The following PSD3 variants were observed in gnomAD, a reference collection of about 807,000 sequenced individuals.
PSD3 encodes the protein pleckstrin and Sec7 domain containing 3, also known as PH and SEC7 domain-containing protein 3.
A neutral mutation model predicts 105.5 loss-of-function variants in PSD3; 49 were observed. The observed-to-expected ratio is 0.46, with a 90% CI of 0.37 to 0.59. The LOEUF is 0.59. Ranked by LOEUF, PSD3 falls within the 20% of genes least tolerant of loss-of-function variation. PSD3 has a pLI of 0.00. For missense variants in PSD3, 1,561 were observed against 1,263.8 expected (o/e 1.24, Z -3.57); for synonymous variants, 557 against 457.8 (o/e 1.22, Z -2.77).
intron 1 of PSD3, among the ~76,000 whole-genome samples, chr8:18,965,003 G>A (rs1234209301): frequency 1.3e-5 from 2 of 152,050 alleles, no homozygotes; most frequent in East Asian, 3.9e-4. Context: ...ACTGAATCTC[G>A]GCTCATAAAA....
chr8:18,866,483 C>T (rs970655764), intron 4 of PSD3, among the ~76,000 whole-genome samples: 1 of 152,210 alleles, frequency 6.6e-6, no homozygotes, highest in Non-Finnish European at 1.5e-5. Flanking sequence ...AACCCCATTT[C>T]GCAAATAAAT....
At chr8:18,561,124 G>T (rs1282889972) in intron 14 of PSD3, among the ~76,000 whole-genome samples, 2 of 152,186 alleles carry the variant, frequency 1.3e-5, no homozygotes, top group Non-Finnish European at 2.9e-5. Flanking sequence ...ATCTCAAAAA[G>T]ATGTGGCATT....
chr8:18,845,652 A>AGAGG (rs1815024389), intron 4 of PSD3, among the ~76,000 whole-genome samples: 4 of 152,186 alleles, frequency 2.6e-5, no homozygotes, highest in Admixed American at 2.6e-4. Context: ...AAATAGCAGA[A>AGAGG]GAGGGTGGGT....
intron 2 of PSD3, among the ~76,000 whole-genome samples, chr8:18,906,237 A>C (rs1352198590): frequency 1.3e-5 from 2 of 152,212 alleles, no homozygotes; most frequent in African/African-American, 4.8e-5. Flanking sequence ...TGGGTGCTCC[A>C]GATCCCCTAA....
intron 9 of PSD3, among the ~76,000 whole-genome samples, chr8:18,737,175 T>C (rs1804211788): frequency 6.6e-6 from 1 of 152,220 alleles, no homozygotes; most frequent in African/African-American, 2.4e-5. Context: ...GTTTGTTTTC[T>C]TTAGTCTTTG....
intron 4 of PSD3, among the ~76,000 whole-genome samples, chr8:18,852,837 TTAA>T: frequency 6.6e-6 from 1 of 152,224 alleles, no homozygotes; most frequent in South Asian, 2.1e-4. Context: ...CCAATGATCA[TTAA>T]TGTTTACTGA....
chr8:18,644,590 C>T lies in PSD3; in HGVS notation c.2216+11052G>A, dbSNP rs557460429. Among the ~76,000 whole-genome samples the T allele has an allele frequency of 3.3e-5, 5 of 152,314 alleles. No homozygotes were observed. In the East Asian group the frequency reaches 9.7e-4, roughly 29 times the overall value. On this transcript the variant is annotated intron_variant, in intron 10 of 15. Coordinates refer to ENST00000327040, the MANE Select transcript of PSD3 (RefSeq NM_015310.4). ...CTAATTATGATCACTTAAGTAATGT[C>T]TAAGAAGTCCCAGATGGTCCTTAAA...
At chr8:18,779,507 T>G (rs144011087) in intron 8 of PSD3, among the ~76,000 whole-genome samples, 1 of 152,264 alleles carries the variant, frequency 6.6e-6, no homozygotes, top group East Asian at 1.9e-4. Context: ...TTGTTCTTGC[T>G]TTTCTAGTTC....
intron 1 of PSD3, among the ~76,000 whole-genome samples, chr8:18,972,937 T>C (rs184002993): frequency 2.6e-5 from 4 of 152,268 alleles, no homozygotes; most frequent in Admixed American, 2.6e-4. Context: ...CCAACGAGGT[T>C]TTAAAAAAAT....
At chr8:18,692,358 A>AG (rs1366486839) in intron 9 of PSD3, among the ~76,000 whole-genome samples, 2 of 152,206 alleles carry the variant, frequency 1.3e-5, no homozygotes, top group Non-Finnish European at 2.9e-5. Flanking sequence ...AAGGTACTGC[A>AG]GCTCTGGAAG....
At chr8:18,614,924 C>A (rs1204375087) in intron 11 of PSD3, among the ~76,000 whole-genome samples, 1 of 152,096 alleles carries the variant, frequency 6.6e-6, no homozygotes, top group Non-Finnish European at 1.5e-5. Context: ...GTGTGAACCA[C>A]TGCACAGGCC....
intron 1 of PSD3, among the ~76,000 whole-genome samples, chr8:18,994,288 T>C (rs1307484648): frequency 1.3e-5 from 2 of 152,118 alleles, no homozygotes; most frequent in African/African-American, 4.8e-5. Flanking sequence ...CATGTTTGTA[T>C]TCTCTGCATA....
intron 9 of PSD3, among the ~76,000 whole-genome samples, chr8:18,752,554 A>AATTATAT (rs1554489478): frequency 1.0e-4 from 2 of 19,678 alleles, no homozygotes; most frequent in African/African-American, 2.5e-4. Flanking sequence ...TATTATATAT[A>AATTATAT]ATTATATATA....
chr8:19,016,695 T>A (rs900083446), upstream of PSD3, among the ~76,000 whole-genome samples: 2 of 152,164 alleles, frequency 1.3e-5, no homozygotes, highest in Admixed American at 6.5e-5. Flanking sequence ...GACTAGGTAA[T>A]TAATAAAGAA....
chr8:18,968,255 G>C (rs1190458273), intron 1 of PSD3, among the ~76,000 whole-genome samples: 1 of 152,228 alleles, frequency 6.6e-6, no homozygotes, highest in East Asian at 1.9e-4. Flanking sequence ...AAACCTCCCT[G>C]CAAGTCCAAT....
intron 15 of PSD3, among the ~76,000 whole-genome samples, chr8:18,544,327 A>G (rs1800333680): frequency 6.6e-6 from 1 of 152,132 alleles, no homozygotes; most frequent in Non-Finnish European, 1.5e-5. Context: ...TGGCCCACCC[A>G]CCACTACCTA....
At chr8:18,926,158 A>C (rs1451751117) in intron 2 of PSD3, among the ~76,000 whole-genome samples, 1 of 151,852 alleles carries the variant, frequency 6.6e-6, no homozygotes, top group Non-Finnish European at 1.5e-5. Flanking sequence ...TCAGTGTTAG[A>C]AAATGATCGC....
intron 4 of PSD3, among the ~76,000 whole-genome samples, chr8:18,812,212 T>C (rs1335895847): frequency 6.6e-6 from 1 of 152,150 alleles, no homozygotes; most frequent in Non-Finnish European, 1.5e-5. Context: ...CACATGATGT[T>C]TGACAGATGA....
chr8:18,680,766 G>C lies in PSD3; in HGVS notation c.2173-25081C>G, dbSNP rs540137852. On this transcript the variant is annotated intron_variant, in intron 9 of 15. Coordinates refer to ENST00000327040, the MANE Select transcript of PSD3 (RefSeq NM_015310.4). ...AACATCTATAAGCTGAATTTTAGTA[G>C]GTTAAATAATATTCTTCAGACGAGG... Among the ~76,000 whole-genome samples the C allele has an allele frequency of 3.3e-3, 495 of 152,176 alleles. 1 individual carries two copies. The highest frequency in any genetic ancestry group is 0.011 in the African/African-American group (473 of 41,514).
Sources: gnomAD v4.1 joint callset for allele counts (sites outside exome capture counted in the v4.1 genomes callset) on GRCh38, gnomAD v4.1.1 for gene constraint, MANE v1.5 for transcripts, NCBI Gene and HGNC (gene_info 2026-07-23, HGNC 2026-07-21) for gene names.